The following KCNH1 variants were observed in gnomAD, a reference collection of about 807,000 sequenced individuals.
KCNH1 encodes potassium voltage-gated channel subfamily H member 1, also known as voltage-gated delayed rectifier potassium channel KCNH1.
Under a neutral mutation model 69.2 loss-of-function variants are expected in KCNH1, and 27 were observed. That is an observed-to-expected ratio of 0.39 (90% CI 0.29 to 0.54). The LOEUF is 0.54. Ranked by LOEUF, KCNH1 falls within the 20% of genes least tolerant of loss-of-function variation. The pLI is 0.68. For synonymous variants in KCNH1, 456 were observed against 487.7 expected (o/e 0.93, Z 0.86); for missense variants, 798 against 1,261.6 (o/e 0.63, Z 5.57).
chr1:210,850,869 T>C (rs970880561), intron 7 of KCNH1, among the ~76,000 whole-genome samples: 3 of 152,220 alleles, frequency 2.0e-5, no homozygotes, highest in Non-Finnish European at 4.4e-5. Context: ...TTGTTCCAGA[T>C]GTCTCTTCTA....
chr1:210,785,899 T>C (rs1306004724), intron 9 of KCNH1, among the ~76,000 whole-genome samples: 2 of 152,136 alleles, frequency 1.3e-5, no homozygotes, highest in African/African-American at 4.8e-5. Context: ...CTGGTCATCA[T>C]CACAAGGTGG....
intron 10 of KCNH1, among the ~76,000 whole-genome samples, chr1:210,706,561 G>C (rs543567664): frequency 6.6e-6 from 1 of 152,196 alleles, no homozygotes; most frequent in Non-Finnish European, 1.5e-5. Context: ...GGGCTGGAAA[G>C]GACTGCACAA....
chr1:210,999,872 A>G lies in KCNH1; in HGVS notation c.1032+18911T>C, dbSNP rs1370381134. Among the ~76,000 whole-genome samples, 4 of 152,252 alleles carry G rather than the reference A, an allele frequency of 2.6e-5. No homozygotes were observed. The East Asian group carries it at 7.7e-4, about 29-fold the overall frequency. ...AGGCTGGTTCAACATACCCAAACCA[A>G]TAAACATAATCCAGCATATAAACAG... On this transcript the variant is annotated intron_variant, in intron 6 of 10. Coordinates refer to ENST00000271751, the MANE Select transcript of KCNH1 (RefSeq NM_172362.3).
chr1:210,749,340 G>T (rs12565452), intron 10 of KCNH1, among the ~76,000 whole-genome samples: 3,982 of 152,248 alleles, frequency 0.026, 112 homozygotes, highest in East Asian at 0.14. Context: ...TTAAGTAAAA[G>T]GAGATAATGG....
intron 3 of KCNH1, among the ~76,000 whole-genome samples, chr1:211,099,837 C>T (rs1571646276): frequency 6.6e-6 from 1 of 152,232 alleles, no homozygotes; most frequent in East Asian, 1.9e-4. Context: ...AAGGGAGGAG[C>T]CCATCACTGG....
chr1:210,719,265 T>G (rs1451847295), intron 10 of KCNH1, among the ~76,000 whole-genome samples: 1 of 152,082 alleles, frequency 6.6e-6, no homozygotes, highest in African/African-American at 2.4e-5. Context: ...GCACTCGGAA[T>G]CAACCCCTGA....
intron 10 of KCNH1, among the ~76,000 whole-genome samples, chr1:210,685,042 T>A (rs1246459901): frequency 6.6e-6 from 1 of 152,130 alleles, no homozygotes; most frequent in African/African-American, 2.4e-5. Flanking sequence ...AGGTAATGAC[T>A]AATGGTGACA....
intron 6 of KCNH1, among the ~76,000 whole-genome samples, chr1:211,018,103 C>A (rs1312291491): frequency 6.6e-6 from 1 of 152,134 alleles, no homozygotes; most frequent in African/African-American, 2.4e-5. Context: ...CCCCCCTTCA[C>A]CTTCCACCAT....
At chr1:210,755,864 G>A (rs932514904) in intron 10 of KCNH1, among the ~76,000 whole-genome samples, 1 of 152,172 alleles carries the variant, frequency 6.6e-6, no homozygotes, top group Non-Finnish European at 1.5e-5. Context: ...AAACCAAAGA[G>A]AGAACATTAT....
chr1:211,133,798 G>C lies in KCNH1; in HGVS notation c.79+69C>G. ...TCTGCTGCATCTGCTGGCTCCGAGCGGCGAGAGGTTCTGCAATAAAGGCAC... is the reference window on the plus strand; with the variant it reads ...TCTGCTGCATCTGCTGGCTCCGAGCCGCGAGAGGTTCTGCAATAAAGGCAC... On this transcript the variant is annotated intron_variant, in intron 1 of 10. Coordinates refer to ENST00000271751, the MANE Select transcript of KCNH1 (RefSeq NM_172362.3). The surrounding 1 kb of genome is among the most constrained non-coding windows in gnomAD (Gnocchi z 5.4). 1 of 1,412,580 alleles carries C rather than the reference G, an allele frequency of 7.1e-7. No individual in the cohort carries two copies. Among genetic ancestry groups the C allele is most frequent in the Non-Finnish European group, 9.9e-7 (1 of 1,005,884 alleles). The allele number at this position is 1,412,580 out of a possible 1,614,324, so 87.5% of individuals were successfully genotyped here. A position where few individuals can be genotyped will look rare whatever the true frequency, so the allele number is the denominator to read the frequency against.
intron 7 of KCNH1, among the ~76,000 whole-genome samples, chr1:210,855,661 T>C (rs1685817341): frequency 6.6e-6 from 1 of 152,200 alleles, no homozygotes; most frequent in South Asian, 2.1e-4. Flanking sequence ...CTCAGTAGGC[T>C]CATGTGCTAT....
At position 210,775,403 on chromosome 1, in the gene KCNH1, G is replaced by C; in HGVS notation, c.2057C>G (p.Ala686Gly). The C allele has an allele frequency of 6.2e-7, 1 of 1,614,108 alleles. No homozygotes were observed. The highest frequency in any genetic ancestry group is 8.5e-7 in the Non-Finnish European group (1 of 1,179,996). Residue 686 changes from alanine (A) to glycine (G), a missense_variant, in exon 10 of 11, where the codon GCC becomes GGC. Physicochemically the swap from Ala to Gly is moderately conservative, Grantham distance 60. Around this residue, in one of 4 missense-constraint regions of KCNH1, gnomAD observed 197 missense variants for 407.7 expected, o/e 0.48. Coordinates refer to ENST00000271751, the MANE Select transcript of KCNH1 (RefSeq NM_172362.3). ...GTTCCGGGAGAAGGAATGGGAGAAG[G>C]CCGTGTAGAATTCCAGCACTTTCTG... The part of the protein sequence containing the change: ...ALQKVLEFYT[A>G]FSHSFSRNLI...
chr1:210,767,551 A>C (rs904869923), intron 10 of KCNH1, among the ~76,000 whole-genome samples: 4 of 152,248 alleles, frequency 2.6e-5, no homozygotes, highest in Admixed American at 1.3e-4. Context: ...CACTAGCTCT[A>C]GTGGATTTTT....
chr1:210,812,462 T>C (rs893472818), intron 7 of KCNH1, among the ~76,000 whole-genome samples: 3 of 152,198 alleles, frequency 2.0e-5, no homozygotes, highest in African/African-American at 4.8e-5. Flanking sequence ...AAATTCAATA[T>C]CCATTAAGAT....
intron 9 of KCNH1, among the ~76,000 whole-genome samples, chr1:210,791,049 C>A (rs989104253): frequency 4.6e-5 from 7 of 152,176 alleles, no homozygotes; most frequent in Admixed American, 6.5e-5. Flanking sequence ...AATGCCCTAC[C>A]TCAACTGTCC....
intron 6 of KCNH1, among the ~76,000 whole-genome samples, chr1:210,985,806 G>C (rs1688820558): frequency 6.6e-6 from 1 of 152,112 alleles, no homozygotes; most frequent in South Asian, 2.1e-4. Context: ...GGTATGCTTG[G>C]TCCAGAGCTG....
At position 211,133,839 on chromosome 1, in the gene KCNH1, G is replaced by A. The variant is rs200636318; in HGVS notation, c.79+28C>T. 3,050 of 1,595,148 alleles carry A rather than the reference G, an allele frequency of 1.9e-3. 10 individuals carry two copies. The highest frequency in any genetic ancestry group is 2.5e-3 in the Non-Finnish European group (2,875 of 1,168,170). ...ATAAAGGCACGGATAAAACGCCCGGGTAATCGAAATCCGAATGCACCTCTT... is the reference window on the plus strand; with the variant it reads ...ATAAAGGCACGGATAAAACGCCCGGATAATCGAAATCCGAATGCACCTCTT... On this transcript the variant is annotated intron_variant, in intron 1 of 10. Transcript: ENST00000271751. The surrounding 1 kb of genome is among the most constrained non-coding windows in gnomAD (Gnocchi z 5.4).
intron 7 of KCNH1, chr1:210,861,969 G>C: frequency 2.6e-6 from 2 of 757,618 alleles, no homozygotes; most frequent in Non-Finnish European, 2.4e-6. Context: ...GCTGTACCCT[G>C]ATGAGCTCAG....
At chr1:210,853,114 A>G (rs1685745796) in intron 7 of KCNH1, among the ~76,000 whole-genome samples, 1 of 152,172 alleles carries the variant, frequency 6.6e-6, no homozygotes, top group African/African-American at 2.4e-5. Context: ...ATGGTAAAAA[A>G]GTGCAAGAGA....
Sources: allele counts gnomAD v4.1 joint callset (sites outside exome capture counted in the v4.1 genomes callset), GRCh38; gene constraint gnomAD v4.1.1; regional missense constraint gnomAD v4.1.1; non-coding constraint Gnocchi (gnomAD v3.1); transcripts MANE v1.5; gene names NCBI Gene and HGNC (gene_info 2026-07-23, HGNC 2026-07-21).